The following NRL variants were observed in gnomAD, a reference collection of about 807,000 sequenced individuals.
NRL encodes neural retina leucine zipper.
Under a neutral mutation model 12.5 loss-of-function variants are expected in NRL, and 16 were observed. The ratio of observed to expected loss-of-function variants is 1.28; its 90% CI spans 0.87 to 1.95. The LOEUF is 1.95. Ranked by LOEUF, NRL falls within the 30% of genes most tolerant of loss-of-function variation. NRL has a pLI of 0.00. For missense variants in NRL, 314 were observed against 325.8 expected (o/e 0.96, Z 0.28); for synonymous variants, 142 against 150.9 (o/e 0.94, Z 0.43).
At position 24,094,263 on chromosome 14, in the gene NRL, C is replaced by T; in HGVS notation, c.-27-11388G>A. 1.3e-6 allele frequency: 1 copy of T among 777,766 alleles called. No homozygotes were observed. The highest frequency in any genetic ancestry group is 2.0e-6 in the Non-Finnish European group (1 of 488,540). The allele number at this position is 777,766 out of a possible 1,614,324, so 48.2% of individuals were successfully genotyped here. On this transcript the variant is annotated intron_variant, in intron 1 of 2. Transcript: ENST00000561028. The surrounding 1 kb of genome is among the most constrained non-coding windows in gnomAD (Gnocchi z 4.1). ...AGTGCCAGCCCTACCAGGTTCCGCC[C>T]CCGCGCCTGCCCCCCTCCTTTTTAA...
In NRL at chr14:24,085,439, TG is replaced by T. The variant is rs2036441531; in HGVS notation, c.-27-2565del. Reference sequence around the variant, plus strand: ...TCTCTCACTCATTCTAGTTCCCAGATGGCTGAGGGGTGACCTACATTTTCAG... The same window carrying T: ...TCTCTCACTCATTCTAGTTCCCAGATGCTGAGGGGTGACCTACATTTTCAG... On this transcript the variant is annotated intron_variant, in intron 1 of 2. Coordinates refer to ENST00000561028, the MANE Select transcript of NRL (RefSeq NM_001354768.3). The surrounding 1 kb of genome is among the most constrained non-coding windows in gnomAD (Gnocchi z 4.1). Among the ~76,000 whole-genome samples, 4 of 152,222 alleles carry T rather than the reference TG, an allele frequency of 2.6e-5. No homozygotes were observed. The highest frequency in any genetic ancestry group is 2.6e-4 in the Admixed American group (4 of 15,274).
intron 1 of NRL, among the ~76,000 whole-genome samples, chr14:24,090,389 G>A (rs2036589617): frequency 2.0e-5 from 3 of 151,978 alleles, no homozygotes; most frequent in Admixed American, 2.0e-4. Flanking sequence ...GGGCTGGGAT[G>A]GACCTTCAGA....
At position 24,079,660 on chromosome 14, in the gene NRL, G is replaced by GT. The variant is rs1305040450; in HGVS notation, c.*1575dup. On this transcript the variant is annotated 3_prime_UTR_variant, in exon 3 of 3. Coordinates refer to ENST00000561028, the MANE Select transcript of NRL (RefSeq NM_001354768.3). ...GCTGGGGAGGGGGTGGAGAGAGGGG[G>GT]TAGAAAGGAAGAGGGACATATGGGA... Among the ~76,000 whole-genome samples, 1 of 151,696 alleles carries GT rather than the reference G, an allele frequency of 6.6e-6. No homozygotes were observed. Among genetic ancestry groups the GT allele is most frequent in the East Asian group, 1.9e-4 (1 of 5,160 alleles).
Position 24,082,473 on chromosome 14 carries a change from C to A in NRL, c.376G>T (p.Val126Phe). The change falls in exon 2 of 3, where the codon GTC (valine) becomes TTC (phenylalanine). Residue 126 changes from valine (V) to phenylalanine (F), a missense_variant. Coordinates refer to ENST00000561028, the MANE Select transcript of NRL (RefSeq NM_001354768.3). ...CCAGCTTGCTGACCACTCACCTGGA[C>A]GTGCTGGGCTCCTGTCTCCTCTGGG... ...GSPEETGAQH[V>F]QLAERFSDAA... 1.2e-6 allele frequency: 2 copies of A among 1,612,478 alleles called. No homozygotes were observed. The highest frequency in any genetic ancestry group is 1.7e-6 in the Non-Finnish European group (2 of 1,180,026).
Position 24,081,852 on chromosome 14 carries a change from T to C in NRL, c.382-284A>G. 7.2e-7 allele frequency: 1 copy of C among 1,385,440 alleles called. No homozygotes were observed. Among genetic ancestry groups the C allele is most frequent in the Non-Finnish European group, 9.4e-7 (1 of 1,068,702 alleles). The allele number at this position is 1,385,440 out of a possible 1,614,324, so 85.8% of individuals were successfully genotyped here. A position where few individuals can be genotyped will look rare whatever the true frequency, so the allele number is the denominator to read the frequency against. On this transcript the variant is annotated intron_variant, in intron 2 of 2. Transcript: ENST00000561028. The surrounding 1 kb of genome is among the most constrained non-coding windows in gnomAD (Gnocchi z 4.4). Reference sequence around the variant, plus strand: ...GTCGCGCACCTAAACCCCGGGCTCGTCTCTGGGATCCCCGGCATCCAGCTC... The same window carrying C: ...GTCGCGCACCTAAACCCCGGGCTCGCCTCTGGGATCCCCGGCATCCAGCTC...
rs530386104 is a variant in NRL at position 24,102,928 on chromosome 14, G to C, written c.-28+11794C>G. 7.3e-5 allele frequency: 117 copies of C among 1,598,734 alleles called. No individual in the cohort carries two copies. The Middle Eastern group carries it at 1.5e-3, about 21-fold the overall frequency. ...TGAGCTCCATGTTCTTGGCAAAAGG[G>C]CTATCTCTGTATTAGGGCCTACCTC... On this transcript the variant is annotated intron_variant, in intron 1 of 2. Transcript: ENST00000561028.
At chr14:24,099,274 C>T (rs1426276342) in intron 1 of NRL, 1 of 1,565,856 alleles carries the variant, frequency 6.4e-7, no homozygotes. Context: ...CTGCCGGGGA[C>T]AGGGCAGGGG....
chr14:24,093,801 G>A (rs1437424303), intron 1 of NRL, among the ~76,000 whole-genome samples: 2 of 152,186 alleles, frequency 1.3e-5, no homozygotes, highest in East Asian at 3.9e-4. Flanking sequence ...TGATCAGGAG[G>A]AGAAACGGGG....
chr14:24,111,813 T>C (rs2037424874), intron 1 of NRL, among the ~76,000 whole-genome samples: 1 of 141,852 alleles, frequency 7.0e-6, no homozygotes, highest in Non-Finnish European at 1.5e-5. Context: ...CTTTTCCTAA[T>C]TGAATACCCT....
intron 1 of NRL, among the ~76,000 whole-genome samples, chr14:24,095,945 A>T (rs1450114250): frequency 6.6e-6 from 1 of 152,220 alleles, no homozygotes; most frequent in Non-Finnish European, 1.5e-5. Context: ...GCAGCAGCAG[A>T]TCAGGGCCTG....
rs2037420725 is a variant in NRL, at chr14:24,111,573, G to C, written c.-28+3149C>G. 2.0e-5 allele frequency among the ~76,000 whole-genome samples: 3 copies of C among 151,644 alleles called. No homozygotes were observed. The South Asian group carries it at 6.2e-4, about 31-fold the overall frequency. ...TTAGTGACGGGGTTTCACCATGTTG[G>C]CCAGGCTGGTCTCGAACTCCTGACC... On this transcript the variant is annotated intron_variant, in intron 1 of 2. Coordinates refer to ENST00000561028, the MANE Select transcript of NRL (RefSeq NM_001354768.3).
intron 1 of NRL, chr14:24,103,845 T>G (rs773870661): frequency 1.9e-6 from 3 of 1,614,074 alleles, no homozygotes; most frequent in Non-Finnish European, 2.5e-6. Flanking sequence ...CCCCAAGGAC[T>G]TCTGGGAACA....
intron 1 of NRL, among the ~76,000 whole-genome samples, chr14:24,083,879 C>G (rs1362136648): frequency 6.6e-6 from 1 of 152,170 alleles, no homozygotes; most frequent in Non-Finnish European, 1.5e-5. Flanking sequence ...CTTATGTCAC[C>G]AAGGAACTCT....
At chr14:24,103,601 G>C (rs771490534) in intron 1 of NRL, 15 of 1,612,162 alleles carry the variant, frequency 9.3e-6, no homozygotes, top group Non-Finnish European at 1.3e-5. Context: ...GCATGGAAGG[G>C]CGCAAGGGGG....
chr14:24,102,590 A>C, intron 1 of NRL: 1 of 626,024 alleles, frequency 1.6e-6, no homozygotes, highest in Non-Finnish European at 2.8e-6. Flanking sequence ...GAGCTCTTGG[A>C]GATGCCCTGG....
At chr14:24,095,388 GCCCTCCT>G (rs1381544910) in intron 1 of NRL, 11 of 379,454 alleles carry the variant, frequency 2.9e-5, no homozygotes, top group Non-Finnish European at 2.1e-5. Context: ...GGTCCCAGTA[GCCCTCCT>G]CCCCTGCCCC....
chr14:24,102,896 CAA>C (rs774165729), intron 1 of NRL: 1 of 1,612,474 alleles, frequency 6.2e-7, no homozygotes, highest in South Asian at 1.1e-5. Context: ...CAAAGGTAAA[CAA>C]CATATGAGCT....
At chr14:24,108,267 G>C (rs11629199) in intron 1 of NRL, among the ~76,000 whole-genome samples, 3 of 152,126 alleles carry the variant, frequency 2.0e-5, no homozygotes, top group South Asian at 2.1e-4. Context: ...ATTGTTTCTA[G>C]ATCTTTTTGG....
At chr14:24,108,943 T>C (rs2037378665) in intron 1 of NRL, among the ~76,000 whole-genome samples, 2 of 152,208 alleles carry the variant, frequency 1.3e-5, no homozygotes, top group South Asian at 4.1e-4. Flanking sequence ...CAGGGTTAGC[T>C]AGAGAATGAA....
Sources: gnomAD v4.1 joint callset for allele counts (sites outside exome capture counted in the v4.1 genomes callset) on GRCh38, gnomAD v4.1.1 for gene constraint, Gnocchi (gnomAD v3.1) non-coding constraint, MANE v1.5 for transcripts, NCBI Gene and HGNC (gene_info 2026-07-23, HGNC 2026-07-21) for gene names.